Variants in LRCH2 observed in about 807,000 individuals in gnomAD.
LRCH2 encodes the protein leucine-rich repeat and calponin homology domain-containing protein 2.
A neutral mutation model predicts 68.9 loss-of-function variants in LRCH2; 38 were observed. The observed-to-expected ratio is 0.55, with a 90% CI of 0.43 to 0.72. The LOEUF (loss-of-function observed/expected upper bound fraction) is 0.72, where lower values mean the gene tolerates loss of function less well. Among genes scored for constraint, LRCH2 ranks in the 30% least tolerant of loss-of-function variants. LRCH2 has a pLI of 0.00. For missense variants in LRCH2, 528 were observed against 572.9 expected (o/e 0.92, Z 0.80); for synonymous variants, 191 against 208.1 (o/e 0.92, Z 0.71).
intron 1 of LRCH2, among the ~76,000 whole-genome samples, chrX:115,218,669 C>T: frequency 8.9e-6 from 1 of 112,297 alleles, no homozygotes; most frequent in South Asian, 3.7e-4. Context: ...TCGCTTTCTG[C>T]AACCAATCAG....
At chrX:115,192,814 G>C (rs2072856219) in intron 1 of LRCH2, 2 of 484,934 alleles carry the variant, frequency 4.1e-6, no homozygotes, top group African/African-American at 2.4e-5. Flanking sequence ...CTTAAAATTA[G>C]TTTGAAATTG....
chrX:115,117,164 C>G (rs1247446528), intron 20 of LRCH2, among the ~76,000 whole-genome samples: 2 of 111,589 alleles, frequency 1.8e-5, no homozygotes, highest in African/African-American at 6.5e-5. Flanking sequence ...AGAAGATATA[C>G]AGGTGGCAAA....
chrX:115,163,257 G>GA (rs1235680127), intron 11 of LRCH2, among the ~76,000 whole-genome samples: 4 of 109,934 alleles, frequency 3.6e-5, no homozygotes, highest in African/African-American at 6.6e-5. Flanking sequence ...CATGTACCTA[G>GA]AAAAAAAATG....
At chrX:115,173,685 G>C (rs782634852) in intron 5 of LRCH2, among the ~76,000 whole-genome samples, 1 of 111,090 alleles carries the variant, frequency 9.0e-6, no homozygotes, top group Non-Finnish European at 1.9e-5. Flanking sequence ...GGTGTACAAC[G>C]TGATGCTTTG....
rs1556523239 is a variant in LRCH2, at chrX:115,113,305, C to T, written c.2209G>A (p.Glu737Lys). 8.4e-7 allele frequency: 1 copy of T among 1,192,384 alleles called. No individual in the cohort carries two copies. Among genetic ancestry groups the T allele is most frequent in the Admixed American group, 2.2e-5 (1 of 45,211 alleles). Reference protein sequence around the residue: ...ERLCLPHHILEERGLVKVGVT... With the variant: ...ERLCLPHHILKERGLVKVGVT... ...CCAACTTTCACAAGTCCTCGTTCTT[C>T]CAAAATATGATGAGGCAAACAAAGT... Residue 737 changes from glutamate to lysine, a missense_variant, in exon 21 of 21, where the codon GAA becomes AAA. Transcript: ENST00000317135.
intron 20 of LRCH2, among the ~76,000 whole-genome samples, chrX:115,113,947 A>G (rs2072061686): frequency 9.0e-6 from 1 of 110,675 alleles, no homozygotes; most frequent in Non-Finnish European, 1.9e-5. Flanking sequence ...CTTTTACACT[A>G]TACCCTCTCT....
At position 115,123,796 on chromosome X, in the gene LRCH2, T is replaced by C. The variant is rs1479763044; in HGVS notation, c.1849+149A>G. 17 of 332,889 alleles carry C rather than the reference T, an allele frequency of 5.1e-5. No homozygotes were observed. In the East Asian group the frequency reaches 7.5e-4, roughly 15 times the overall value. 27.4% of individuals were successfully genotyped at this position (332,889 alleles called of 1,213,427 possible). A position where few individuals can be genotyped will look rare whatever the true frequency, so the allele number is the denominator to read the frequency against. On this transcript the variant is annotated intron_variant, in intron 17 of 20. Coordinates refer to ENST00000317135, the MANE Select transcript of LRCH2 (RefSeq NM_020871.4). ...GGAAGAAAGAAATGGGAATGGGAATTGGAAAGACAAATATCGTTAAGAGAA... is the reference window on the plus strand; with the variant it reads ...GGAAGAAAGAAATGGGAATGGGAATCGGAAAGACAAATATCGTTAAGAGAA...
intron 16 of LRCH2, among the ~76,000 whole-genome samples, chrX:115,125,015 C>A (rs1273026835): frequency 9.0e-6 from 1 of 111,427 alleles, no homozygotes; most frequent in East Asian, 2.8e-4. Context: ...AAAGCACATA[C>A]ATACTCACCA....
At chrX:115,133,049 C>A (rs782343280) in intron 14 of LRCH2, among the ~76,000 whole-genome samples, 110 of 111,320 alleles carry the variant, frequency 9.9e-4, no homozygotes, top group Middle Eastern at 4.7e-3. Flanking sequence ...AGAAAAAAAT[C>A]CACTGCCTTC....
At chrX:115,215,447 A>T (rs2073034775) in intron 1 of LRCH2, among the ~76,000 whole-genome samples, 1 of 110,977 alleles carries the variant, frequency 9.0e-6, no homozygotes, top group African/African-American at 3.3e-5. Flanking sequence ...AAACGTAAAA[A>T]TTATGATAAC....
At position 115,189,770 on chromosome X, in the gene LRCH2, G is replaced by C. The variant is rs782718278; in HGVS notation, c.350-1400C>G. 6.0e-6 allele frequency: 7 copies of C among 1,166,220 alleles called. No individual in the cohort carries two copies. The South Asian group carries it at 9.5e-5, about 16-fold the overall frequency. On this transcript the variant is annotated intron_variant, in intron 1 of 20. Transcript: ENST00000317135. ...GGCAGTCGCTCAAGGTTCTCACACAGAACCCGTGGGGGTGGCAGCAGCCCA... is the reference window on the plus strand; with the variant it reads ...GGCAGTCGCTCAAGGTTCTCACACACAACCCGTGGGGGTGGCAGCAGCCCA...
chrX:115,175,578 TAA>T (rs1489379015), intron 5 of LRCH2, among the ~76,000 whole-genome samples: 1 of 112,263 alleles, frequency 8.9e-6, no homozygotes, highest in African/African-American at 3.2e-5. Flanking sequence ...AATCGAAGCA[TAA>T]AGTCAGCTAA....
At chrX:115,177,753 C>T (rs894640493) in intron 5 of LRCH2, among the ~76,000 whole-genome samples, 2 of 110,569 alleles carry the variant, frequency 1.8e-5, no homozygotes, top group East Asian at 2.8e-4. Flanking sequence ...TTTTCAACCC[C>T]GCATGTATTA....
At chrX:115,176,751 CTT>C (rs782070547) in intron 5 of LRCH2, among the ~76,000 whole-genome samples, 4 of 97,246 alleles carry the variant, frequency 4.1e-5, no homozygotes, top group Non-Finnish European at 6.3e-5. Context: ...CTTTTTTTTT[CTT>C]TTTTTTTTTT....
intron 3 of LRCH2, among the ~76,000 whole-genome samples, chrX:115,182,329 A>C: frequency 8.9e-6 from 1 of 111,833 alleles, no homozygotes; most frequent in African/African-American, 3.3e-5. Flanking sequence ...ATCTGGAAAA[A>C]CATTAATAGT....
intron 1 of LRCH2, among the ~76,000 whole-genome samples, chrX:115,212,813 A>G (rs897002109): frequency 9.1e-6 from 1 of 109,715 alleles, no homozygotes; most frequent in East Asian, 3.0e-4. Flanking sequence ...TCTACAAAAA[A>G]TACAAAAAAA....
chrX:115,197,603 T>C (rs1448328084), intron 1 of LRCH2, among the ~76,000 whole-genome samples: 1 of 109,434 alleles, frequency 9.1e-6, no homozygotes, highest in African/African-American at 3.3e-5. Flanking sequence ...AATACAAATA[T>C]TAGCTAGGCG....
At chrX:115,190,495 G>A (rs1170570293) in intron 1 of LRCH2, 16 of 1,166,449 alleles carry the variant, frequency 1.4e-5, no homozygotes, top group African/African-American at 3.6e-5. Context: ...CTTGCCAGTC[G>A]TCTTGCCAGA....
chrX:115,163,447 T>A (rs2072534921), intron 11 of LRCH2, among the ~76,000 whole-genome samples: 1 of 111,428 alleles, frequency 9.0e-6, no homozygotes, highest in African/African-American at 3.3e-5. Context: ...CCGTCCTAAG[T>A]ATTTCCTATT....
Sources: allele counts gnomAD v4.1 joint callset (sites outside exome capture counted in the v4.1 genomes callset), GRCh38; gene constraint gnomAD v4.1.1; transcripts MANE v1.5; gene names NCBI Gene and HGNC (gene_info 2026-07-23, HGNC 2026-07-21).